The following GAS2 variants were observed in gnomAD, a reference collection of about 807,000 sequenced individuals.
GAS2 encodes the protein growth arrest-specific protein 2.
GAS2 carries 20 observed loss-of-function variants against 37.5 expected under a neutral mutation model. The observed-to-expected ratio is 0.53, with a 90% CI of 0.37 to 0.77. The LOEUF is 0.77. GAS2 is among the 30% of genes least tolerant of loss of function. The pLI, the probability that GAS2 is intolerant of heterozygous loss-of-function variation, is 0.00. For missense variants in GAS2, 336 were observed against 373.4 expected (o/e 0.90, Z 0.82); for synonymous variants, 144 against 132.2 (o/e 1.09, Z -0.61).
intron 3 of GAS2, among the ~76,000 whole-genome samples, chr11:22,701,708 A>G (rs1590666848): frequency 6.6e-6 from 1 of 152,264 alleles, no homozygotes; most frequent in East Asian, 1.9e-4. Context: ...AGGTGCCTGT[A>G]GTCCCAGCTA....
intron 1 of GAS2, among the ~76,000 whole-genome samples, chr11:22,630,334 G>T (rs1258722893): frequency 6.6e-6 from 1 of 152,166 alleles, no homozygotes; most frequent in African/African-American, 2.4e-5. Context: ...TGCTGAGAAT[G>T]ATGGTTTCCA....
intron 7 of GAS2, among the ~76,000 whole-genome samples, chr11:22,803,565 T>A (rs1298984675): frequency 6.6e-6 from 1 of 152,158 alleles, no homozygotes; most frequent in African/African-American, 2.4e-5. Context: ...GTTCTGCTAC[T>A]GATTTGTTGT....
intron 7 of GAS2, among the ~76,000 whole-genome samples, chr11:22,774,006 A>G (rs2134443789): frequency 6.6e-6 from 1 of 152,032 alleles, no homozygotes; most frequent in Non-Finnish European, 1.5e-5. Flanking sequence ...ATTTTATTTT[A>G]TTTTGAAACA....
intron 1 of GAS2, among the ~76,000 whole-genome samples, chr11:22,658,723 T>C (rs1848883058): frequency 6.6e-6 from 1 of 152,200 alleles, no homozygotes; most frequent in South Asian, 2.1e-4. Flanking sequence ...TTTTAGAACA[T>C]GGGCATACTG....
intron 4 of GAS2, among the ~76,000 whole-genome samples, chr11:22,732,211 C>T (rs1011442653): frequency 2.6e-5 from 4 of 151,710 alleles, no homozygotes; most frequent in African/African-American, 9.7e-5. Context: ...AAAAGACTCA[C>T]CTCTGATTGC....
chr11:22,765,832 T>A (rs1311719840), intron 7 of GAS2, among the ~76,000 whole-genome samples: 2 of 151,498 alleles, frequency 1.3e-5, no homozygotes, highest in African/African-American at 4.8e-5. Context: ...GAATATAGGT[T>A]TAATTGGCTC....
chr11:22,726,037 C>T (rs1247800392), intron 3 of GAS2, among the ~76,000 whole-genome samples: 1 of 152,016 alleles, frequency 6.6e-6, no homozygotes, highest in Non-Finnish European at 1.5e-5. Context: ...AAGCAGCAGC[C>T]TGAGCCAAGA....
chr11:22,773,817 A>G (rs902536198), intron 7 of GAS2, among the ~76,000 whole-genome samples: 1 of 152,076 alleles, frequency 6.6e-6, no homozygotes, highest in Non-Finnish European at 1.5e-5. Flanking sequence ...CCTCGCTTCC[A>G]CAGCAGGTTA....
At chr11:22,707,144 G>A (rs1468850864) in intron 3 of GAS2, among the ~76,000 whole-genome samples, 3 of 152,194 alleles carry the variant, frequency 2.0e-5, no homozygotes, top group Admixed American at 6.6e-5. Flanking sequence ...TATAGAATGG[G>A]TAAGGGAGAT....
chr11:22,798,584 T>C (rs1359101701), intron 7 of GAS2, among the ~76,000 whole-genome samples: 2 of 151,990 alleles, frequency 1.3e-5, no homozygotes, highest in Non-Finnish European at 2.9e-5. Flanking sequence ...AGATAATAAA[T>C]AAGAAAAAAA....
Position 22,761,619 on chromosome 11 carries a change from T to G in GAS2, c.723+5666T>G, listed in dbSNP as rs116536707. Among the ~76,000 whole-genome samples, 445 of 152,316 alleles carry G rather than the reference T, an allele frequency of 2.9e-3. 1 individual carries two copies. Among genetic ancestry groups the G allele is most frequent in the African/African-American group, 0.01 (419 of 41,578 alleles). On this transcript the variant is annotated intron_variant, in intron 7 of 7. Transcript: ENST00000454584. Reference sequence around the variant, plus strand: ...AAAAATATTATTTGTAAAGAAAAGTTAACATGGTTAAGAGTTGAAACAGGT... The same window carrying G: ...AAAAATATTATTTGTAAAGAAAAGTGAACATGGTTAAGAGTTGAAACAGGT...
At chr11:22,692,627 A>G (rs1490968769) in intron 3 of GAS2, among the ~76,000 whole-genome samples, 1 of 152,172 alleles carries the variant, frequency 6.6e-6, no homozygotes, top group Admixed American at 6.6e-5. Context: ...TCAGAAATGC[A>G]TTTATCTCAG....
intron 3 of GAS2, among the ~76,000 whole-genome samples, chr11:22,703,649 G>A (rs1241375972): frequency 2.0e-5 from 3 of 152,038 alleles, no homozygotes; most frequent in African/African-American, 7.2e-5. Flanking sequence ...ATGTGTGTGT[G>A]GTCCAAGGTA....
chr11:22,781,048 A>G (rs1270773288), intron 7 of GAS2, among the ~76,000 whole-genome samples: 1 of 152,210 alleles, frequency 6.6e-6, no homozygotes, highest in Admixed American at 6.5e-5. Flanking sequence ...GACTAGATAG[A>G]TTAAGAGGTG....
At chr11:22,732,868 C>T (rs1852552510) in intron 4 of GAS2, among the ~76,000 whole-genome samples, 1 of 151,536 alleles carries the variant, frequency 6.6e-6, no homozygotes, top group African/African-American at 2.4e-5. Context: ...TATCAAAGCA[C>T]ACTTAAATAT....
intron 7 of GAS2, among the ~76,000 whole-genome samples, chr11:22,757,908 G>A (rs772954061): frequency 6.6e-6 from 1 of 152,060 alleles, no homozygotes; most frequent in Non-Finnish European, 1.5e-5. Context: ...CTGGTTATCC[G>A]TGGAGGCTTA....
intron 1 of GAS2, among the ~76,000 whole-genome samples, chr11:22,644,124 G>A (rs931803739): frequency 2.0e-5 from 3 of 152,080 alleles, no homozygotes; most frequent in East Asian, 3.8e-4. Flanking sequence ...AAGGATAATA[G>A]ATGAATCTAA....
chr11:22,658,707 C>G (rs188128746), intron 1 of GAS2, among the ~76,000 whole-genome samples: 13 of 152,212 alleles, frequency 8.5e-5, no homozygotes, highest in Non-Finnish European at 1.8e-4. Flanking sequence ...CATAATTCAC[C>G]TGCTTTTTTA....
Position 22,724,893 on chromosome 11 carries a change from C to G in GAS2, c.268-1399C>G, listed in dbSNP as rs566620794. 4.6e-5 allele frequency among the ~76,000 whole-genome samples: 7 copies of G among 152,124 alleles called. No homozygotes were observed. In the South Asian group the frequency reaches 1.2e-3, roughly 27 times the overall value. ...TAGTAAGAGTTGCATGTTGGCAGGACTTCACCAATCCACCTAAGCCACTAT... is the reference window on the plus strand; with the variant it reads ...TAGTAAGAGTTGCATGTTGGCAGGAGTTCACCAATCCACCTAAGCCACTAT... On this transcript the variant is annotated intron_variant, in intron 3 of 7. Transcript: ENST00000454584.
Sources: gnomAD v4.1 joint callset for allele counts (sites outside exome capture counted in the v4.1 genomes callset) on GRCh38, gnomAD v4.1.1 for gene constraint, MANE v1.5 for transcripts, NCBI Gene and HGNC (gene_info 2026-07-23, HGNC 2026-07-21) for gene names.